Variants in AP2A2 observed in about 807,000 individuals in gnomAD.
AP2A2 encodes adaptor related protein complex 2 subunit alpha 2.
In AP2A2, 32 loss-of-function variants were observed where a neutral mutation model predicts 104.2. The observed-to-expected ratio is 0.31, with a 90% confidence interval of 0.23 to 0.41. The LOEUF (loss-of-function observed/expected upper bound fraction) is 0.41. Among genes scored for constraint, AP2A2 ranks in the 10% least tolerant of loss-of-function variants. The pLI is 1.00. For synonymous variants in AP2A2, 539 were observed against 533.3 expected (o/e 1.01, Z -0.15); for missense variants, 912 against 1,261.0 (o/e 0.72, Z 4.19).
At chr11:979,364 C>A (rs888322140) in intron 5 of AP2A2, among the ~76,000 whole-genome samples, 2 of 151,794 alleles carry the variant, frequency 1.3e-5, no homozygotes, top group Non-Finnish European at 2.9e-5. Context: ...AATCCGTTAG[C>A]ACTTTGCTCA....
At position 945,608 on chromosome 11, in the gene AP2A2, C is replaced by T. The variant is rs189281363; in HGVS notation, c.68-13829C>T. ...TCGGCCTCTCAAAGTGCTGGGATTA[C>T]AGGCATGAGCTAATGCATCCAGCCT... On this transcript the variant is annotated intron_variant, in intron 1 of 21. Coordinates refer to ENST00000448903, the MANE Select transcript of AP2A2 (RefSeq NM_012305.4). 5.3e-5 allele frequency among the ~76,000 whole-genome samples: 8 copies of T among 152,118 alleles called. No individual in the cohort carries two copies. In the East Asian group the frequency reaches 1.2e-3, roughly 22 times the overall value.
At chr11:985,372 G>A in intron 7 of AP2A2, 63 bp from the exon 8 acceptor site, 1 of 1,564,844 alleles carries the variant, frequency 6.4e-7, no homozygotes, top group Non-Finnish European at 8.7e-7. Flanking sequence ...GTGCAGCCGG[G>A]AGGGGCAGGG....
At chr11:1,000,254 A>G (rs1032939830) in intron 14 of AP2A2, among the ~76,000 whole-genome samples, 178 bp from the exon 15 acceptor site, 21 of 152,220 alleles carry the variant, frequency 1.4e-4, no homozygotes, top group Admixed American at 1.3e-3. Context: ...ATACTCAGGA[A>G]GTGGCTGTTA....
intron 1 of AP2A2, among the ~76,000 whole-genome samples, chr11:935,498 C>T (rs1431308221): frequency 3.3e-5 from 5 of 151,614 alleles, no homozygotes; most frequent in Non-Finnish European, 5.9e-5. Context: ...GACAGAGTTT[C>T]GCCGTGTTGG....
At chr11:934,774 A>G (rs1319020283) in intron 1 of AP2A2, among the ~76,000 whole-genome samples, 1 of 152,018 alleles carries the variant, frequency 6.6e-6, no homozygotes, top group Non-Finnish European at 1.5e-5. Context: ...GCGGCACTGT[A>G]TTAGGATTTA....
intron 16 of AP2A2, among the ~76,000 whole-genome samples, chr11:1,005,824 G>T (rs1301092279): frequency 1.3e-5 from 2 of 152,238 alleles, no homozygotes; most frequent in Non-Finnish European, 2.9e-5. Flanking sequence ...GCTTCACGAG[G>T]TGTTGGTTTT....
intron 6 of AP2A2, among the ~76,000 whole-genome samples, chr11:983,612 T>A (rs1315583423): frequency 5.3e-5 from 8 of 151,820 alleles, no homozygotes. Context: ...CTCGATCTCC[T>A]GACCTTGTGA....
intron 1 of AP2A2, among the ~76,000 whole-genome samples, chr11:930,670 G>A (rs902653489): frequency 3.9e-5 from 6 of 151,938 alleles, no homozygotes; most frequent in African/African-American, 1.2e-4. Flanking sequence ...ACAGGTGCAC[G>A]CCACCACGCC....
At chr11:974,303 A>G (rs1854940072) in intron 4 of AP2A2, among the ~76,000 whole-genome samples, 1 of 152,214 alleles carries the variant, frequency 6.6e-6, no homozygotes, top group South Asian at 2.1e-4. Context: ...CTCCTACCTC[A>G]GAGAGCTCAG....
intron 10 of AP2A2, among the ~76,000 whole-genome samples, chr11:989,058 G>A (rs1855558943): frequency 6.6e-6 from 1 of 152,178 alleles, no homozygotes. Context: ...GCCGGGTGTG[G>A]TGGCTCACGC....
At chr11:947,624 C>T (rs1414670376) in intron 1 of AP2A2, among the ~76,000 whole-genome samples, 1 of 151,962 alleles carries the variant, frequency 6.6e-6, no homozygotes, top group Admixed American at 6.6e-5. Context: ...GGCAAAACCC[C>T]ATCTCTACTA....
chr11:934,410 G>A (rs2134458982), intron 1 of AP2A2, among the ~76,000 whole-genome samples: 1 of 152,282 alleles, frequency 6.6e-6, no homozygotes, highest in Admixed American at 6.5e-5. Flanking sequence ...ATAGGTGTGA[G>A]CCACTGCGCC....
rs183387438 is a variant in AP2A2 at position 939,382 on chromosome 11, G to C, written c.67+13294G>C. Among the ~76,000 whole-genome samples, 676 of 151,844 alleles carry C rather than the reference G, an allele frequency of 4.5e-3. 2 individuals are homozygous for C. Among genetic ancestry groups the C allele is most frequent in the African/African-American group, 0.016 (654 of 41,390 alleles). On this transcript the variant is annotated intron_variant, in intron 1 of 21. Transcript: ENST00000448903. ...TTAAAAATTTACTTTAAGAATGATT[G>C]CTTTTTAAGTCTAAATTGTGTGTTC...
At chr11:994,863 C>G (rs1427172746) in intron 14 of AP2A2, among the ~76,000 whole-genome samples, 1 of 118,830 alleles carries the variant, frequency 8.4e-6, no homozygotes, top group Non-Finnish European at 1.8e-5. Context: ...GTCCCTGCTG[C>G]ACACCCTGCT....
chr11:1,005,305 G>C lies in AP2A2; in HGVS notation c.2207-1223G>C, dbSNP rs118038131. Among the ~76,000 whole-genome samples the C allele has an allele frequency of 7.1e-4, 108 of 152,344 alleles. No homozygotes were observed. In the East Asian group the frequency reaches 0.015, roughly 21 times the overall value. The stretch of plus-strand genomic sequence containing the variant: ...CTAGAGCAGTGACTTCGTAGAGACA[G>C]AACGTAGCTGGGGGATGCCAGGGCC... On this transcript the variant is annotated intron_variant, in intron 16 of 21. Transcript: ENST00000448903.
chr11:935,682 A>T (rs1231166731), intron 1 of AP2A2, among the ~76,000 whole-genome samples: 2 of 132,720 alleles, frequency 1.5e-5, no homozygotes, highest in African/African-American at 2.9e-5. Context: ...ATCTCGGCTT[A>T]CTGCAACCTT....
At chr11:951,372 C>G (rs2134525807) in intron 1 of AP2A2, among the ~76,000 whole-genome samples, 1 of 152,126 alleles carries the variant, frequency 6.6e-6, no homozygotes, top group African/African-American at 2.4e-5. Context: ...ACTAAAAATA[C>G]AAAAATTAGC....
intron 14 of AP2A2, chr11:996,006 C>T (rs1855847101): frequency 6.6e-6 from 1 of 152,184 alleles, no homozygotes; most frequent in South Asian, 2.1e-4. Context: ...GACCCTGTCT[C>T]CTCCCGTGGG....
intron 10 of AP2A2, among the ~76,000 whole-genome samples, chr11:991,710 G>A (rs1179486595): frequency 1.3e-5 from 2 of 151,654 alleles, no homozygotes; most frequent in Non-Finnish European, 2.9e-5. Flanking sequence ...ACTTGGGGTG[G>A]GGGGGCACAG....
Sources: gnomAD v4.1 joint callset for allele counts (sites outside exome capture counted in the v4.1 genomes callset) on GRCh38, gnomAD v4.1.1 for gene constraint, MANE v1.5 for transcripts, NCBI Gene and HGNC (gene_info 2026-07-23, HGNC 2026-07-21) for gene names.